The following ATP13A4 variants were observed in gnomAD, a reference collection of about 807,000 sequenced individuals.
The protein encoded by ATP13A4 is ATPase 13A4, also known as probable cation-transporting ATPase 13A4.
ATP13A4 carries 114 observed loss-of-function variants against 142.5 expected under a neutral mutation model. The ratio of observed to expected loss-of-function variants is 0.80; its 90% confidence interval spans 0.69 to 0.93. The LOEUF is 0.93. Among genes scored for constraint, ATP13A4 ranks in the 40% least tolerant of loss-of-function variants. The pLI is 0.00. For synonymous variants in ATP13A4, 488 were observed against 514.8 expected (o/e 0.95, Z 0.70); for missense variants, 1,392 against 1,454.0 (o/e 0.96, Z 0.69).
intron 17 of ATP13A4, among the ~76,000 whole-genome samples, chr3:193,450,602 G>A (rs996825816): frequency 1.3e-5 from 2 of 152,152 alleles, no homozygotes; most frequent in African/African-American, 4.8e-5. Context: ...TTTAATCTGG[G>A]GTTTGAAGGA....
At chr3:193,430,993 C>T (rs578147981) in intron 25 of ATP13A4, among the ~76,000 whole-genome samples, 8 of 151,854 alleles carry the variant, frequency 5.3e-5, no homozygotes, top group Admixed American at 2.0e-4. Context: ...CTAATGATGG[C>T]GGCTACATTG....
At chr3:193,484,065 T>C in intron 7 of ATP13A4, 60 bp from the exon 8 acceptor site, 1 of 1,405,674 alleles carries the variant, frequency 7.1e-7, no homozygotes, top group Non-Finnish European at 1.0e-6. Flanking sequence ...CTAGGTATTA[T>C]TAAGGTGCTA....
In ATP13A4 at chr3:193,438,603, C is replaced by G; in HGVS notation, c.2563-19G>C. On this transcript the variant is annotated intron_variant, in intron 22 of 29. Transcript: ENST00000342695. Reference sequence around the variant, plus strand: ...TCAGAGCCTGAAAGCAAAGAATCAGCTTACTCCTCACATAGACTCACGTAC... The same window carrying G: ...TCAGAGCCTGAAAGCAAAGAATCAGGTTACTCCTCACATAGACTCACGTAC... 1 of 1,597,764 alleles carries G rather than the reference C, an allele frequency of 6.3e-7. No individual in the cohort carries two copies. Among genetic ancestry groups the G allele is most frequent in the Non-Finnish European group, 8.6e-7 (1 of 1,165,278 alleles).
At chr3:193,563,335 A>G (rs116452968) in intron 2 of ATP13A4, among the ~76,000 whole-genome samples, 47 of 152,318 alleles carry the variant, frequency 3.1e-4, no homozygotes, top group Middle Eastern at 3.4e-3. Context: ...CTACCTGCCA[A>G]AATGAGAGAA....
intron 1 of ATP13A4, among the ~76,000 whole-genome samples, chr3:193,589,328 T>C (rs946595104): frequency 1.3e-5 from 2 of 152,144 alleles, no homozygotes; most frequent in Admixed American, 6.5e-5. Flanking sequence ...ATAATGATGA[T>C]GGTGCAAACA....
intron 17 of ATP13A4, among the ~76,000 whole-genome samples, chr3:193,448,804 T>TGAAGAG (rs1041679402): frequency 3.9e-5 from 6 of 152,262 alleles, no homozygotes; most frequent in East Asian, 1.9e-4. Flanking sequence ...TCTAACTGAA[T>TGAAGAG]GAAGAGGAAG....
At chr3:193,411,887 T>C (rs1300793598) in intron 27 of ATP13A4, among the ~76,000 whole-genome samples, 2 of 152,152 alleles carry the variant, frequency 1.3e-5, no homozygotes, top group African/African-American at 2.4e-5. Context: ...TACTGACAAG[T>C]AGAGAAATAA....
chr3:193,437,083 G>A (rs1163320002), intron 23 of ATP13A4, among the ~76,000 whole-genome samples: 2 of 129,342 alleles, frequency 1.5e-5, no homozygotes, highest in African/African-American at 3.6e-5. Flanking sequence ...CAGCCTGGGC[G>A]ACAGAGTGAG....
intron 13 of ATP13A4, among the ~76,000 whole-genome samples, chr3:193,461,544 C>T (rs995437996): frequency 1.3e-5 from 2 of 152,098 alleles, no homozygotes; most frequent in South Asian, 2.1e-4. Flanking sequence ...GTTAGAAGCA[C>T]GAGGATCACT....
intron 25 of ATP13A4, among the ~76,000 whole-genome samples, chr3:193,432,430 A>T (rs1716032177): frequency 6.6e-6 from 1 of 152,124 alleles, no homozygotes; most frequent in African/African-American, 2.4e-5. Context: ...CCACTCAAAA[A>T]TCTGCACACG....
At chr3:193,435,010 T>C (rs891551238) in intron 24 of ATP13A4, among the ~76,000 whole-genome samples, 3 of 152,218 alleles carry the variant, frequency 2.0e-5, no homozygotes, top group Non-Finnish European at 4.4e-5. Context: ...AAATAAATTA[T>C]ACTAAAACCA....
chr3:193,555,686 C>T (rs1055522725), upstream of ATP13A4, among the ~76,000 whole-genome samples: 4 of 152,298 alleles, frequency 2.6e-5, no homozygotes, highest in South Asian at 2.1e-4. Context: ...TTGCTACCCT[C>T]GTGTTGATGT....
intron 8 of ATP13A4, among the ~76,000 whole-genome samples, chr3:193,471,202 C>T (rs1467709267): frequency 2.0e-5 from 3 of 151,720 alleles, no homozygotes. Context: ...CTTTGTGTGG[C>T]AAAGTAATAA....
chr3:193,460,534 A>G (rs1163498860), intron 13 of ATP13A4, among the ~76,000 whole-genome samples: 2 of 152,184 alleles, frequency 1.3e-5, no homozygotes, highest in South Asian at 2.1e-4. Flanking sequence ...ACTTATTACT[A>G]TGTCTTAAAA....
chr3:193,496,948 G>A (rs1238743096), intron 3 of ATP13A4, among the ~76,000 whole-genome samples: 1 of 152,002 alleles, frequency 6.6e-6, no homozygotes, highest in East Asian at 1.9e-4. Context: ...AATGGAAGAT[G>A]GGAAATGATA....
chr3:193,472,912 C>A lies in ATP13A4; in HGVS notation c.809-1919G>T, dbSNP rs531611125. ...ACAATAAACCCTGTGATAGTAGATT[C>A]CAATGAAAAATATCAATGTACTAGA... On this transcript the variant is annotated intron_variant, in intron 8 of 29. Coordinates refer to ENST00000342695, the MANE Select transcript of ATP13A4 (RefSeq NM_032279.4). 2.6e-5 allele frequency among the ~76,000 whole-genome samples: 4 copies of A among 152,176 alleles called. No individual in the cohort carries two copies. In the South Asian group the frequency reaches 6.2e-4, roughly 24 times the overall value.
intron 2 of ATP13A4, among the ~76,000 whole-genome samples, chr3:193,508,016 A>G (rs1272494692): frequency 2.0e-5 from 3 of 152,218 alleles, no homozygotes; most frequent in Admixed American, 1.3e-4. Context: ...GAATGAGGCC[A>G]TAAGGGTACA....
chr3:193,451,695 TA>T (rs1266402141), intron 17 of ATP13A4, among the ~76,000 whole-genome samples: 1 of 152,192 alleles, frequency 6.6e-6, no homozygotes, highest in African/African-American at 2.4e-5. Context: ...CTCATGTTCT[TA>T]AAATCCATGT....
intron 8 of ATP13A4, among the ~76,000 whole-genome samples, chr3:193,473,626 G>T (rs1289674083): frequency 6.6e-6 from 1 of 152,154 alleles, no homozygotes; most frequent in Non-Finnish European, 1.5e-5. Flanking sequence ...ATTTAATTAA[G>T]TAATATAAGT....
Sources: gnomAD v4.1 joint callset for allele counts (sites outside exome capture counted in the v4.1 genomes callset) on GRCh38, gnomAD v4.1.1 for gene constraint, MANE v1.5 for transcripts, NCBI Gene and HGNC (gene_info 2026-07-23, HGNC 2026-07-21) for gene names.